NTM: variants seen among roughly 807,000 people sequenced by gnomAD.
NTM encodes IgLON family member 2.
Under a neutral mutation model 42.1 loss-of-function variants are expected in NTM, and 13 were observed. That is an observed-to-expected ratio of 0.31 (90% CI 0.20 to 0.49). NTM has a LOEUF of 0.49. Among genes scored for constraint, NTM ranks in the 20% least tolerant of loss-of-function variants. The probability of loss-of-function intolerance (pLI) is 0.99; values close to 1 mark genes in which losing one functional copy is unlikely to be tolerated. For missense variants in NTM, 373 were observed against 452.8 expected, an observed-to-expected ratio of 0.82 and a Z score of 1.60; for synonymous variants, 187 against 179.2, an observed-to-expected ratio of 1.04 and a Z score of -0.35.
intron 2 of NTM, among the ~76,000 whole-genome samples, chr11:131,972,470 A>G (rs2063699685): frequency 6.6e-6 from 1 of 152,170 alleles, no homozygotes; most frequent in Non-Finnish European, 1.5e-5. Context: ...CATAATAAAA[A>G]ATAATCTTAA....
Position 131,427,601 on chromosome 11 carries a change from G to T in NTM, c.82+56713G>T, listed in dbSNP as rs112474976. Among the ~76,000 whole-genome samples, 1,244 of 152,294 alleles carry T rather than the reference G, an allele frequency of 8.2e-3. 10 individuals carry two copies. The highest frequency in any genetic ancestry group is 0.011 in the Admixed American group (166 of 15,296). ...CCCTTAATGCCTCCTGTCCCTCGGT[G>T]TTCTACCTGTACTTCCCACTTCACC... On this transcript the variant is annotated intron_variant, in intron 1 of 8. Coordinates refer to ENST00000683400, the MANE Select transcript of NTM (RefSeq NM_001352005.2).
chr11:131,391,436 T>C (rs375411823), intron 1 of NTM, among the ~76,000 whole-genome samples: 24 of 152,160 alleles, frequency 1.6e-4, no homozygotes, highest in African/African-American at 5.5e-4. Flanking sequence ...AAATAGCAAA[T>C]CTAAAATGAA....
At chr11:131,807,833 T>C (rs1255646594) in intron 1 of NTM, among the ~76,000 whole-genome samples, 1 of 152,240 alleles carries the variant, frequency 6.6e-6, no homozygotes, top group African/African-American at 2.4e-5. Context: ...ATATATGAAG[T>C]TATTTGCATA....
intron 1 of NTM, among the ~76,000 whole-genome samples, chr11:131,423,110 G>T (rs563968987): frequency 6.6e-6 from 1 of 152,316 alleles, no homozygotes; most frequent in East Asian, 1.9e-4. Context: ...CCATCTCAAA[G>T]TTGAACAAGA....
intron 1 of NTM, among the ~76,000 whole-genome samples, chr11:131,773,699 A>G (rs577791963): frequency 6.6e-6 from 1 of 152,336 alleles, no homozygotes; most frequent in Admixed American, 6.5e-5. Flanking sequence ...ACATTCTGGT[A>G]TGGCTAATAC....
chr11:131,425,136 C>A (rs1389681099), intron 1 of NTM, among the ~76,000 whole-genome samples: 3 of 152,092 alleles, frequency 2.0e-5, no homozygotes, highest in Non-Finnish European at 4.4e-5. Context: ...CCTGCCTTGG[C>A]CTCCCAAAGT....
In NTM at chr11:131,789,612, A is replaced by G. The variant is rs1404841155; in HGVS notation, c.83-121952A>G. Among the ~76,000 whole-genome samples, 8 of 86,270 alleles carry G rather than the reference A, an allele frequency of 9.3e-5. 1 individual carries two copies. The highest frequency in any genetic ancestry group is 2.6e-4 in the Admixed American group (2 of 7,690). 56.6% of individuals were successfully genotyped at this position (86,270 alleles called of 152,430 possible). On this transcript the variant is annotated intron_variant, in intron 1 of 8. Transcript: ENST00000683400. ...AAGAAGAAGAAGAAGAAGAAGAAGA[A>G]GAAGAAGAAGAAGAAGAAGAAGAAA...
chr11:131,940,058 G>A (rs577978989), intron 2 of NTM, among the ~76,000 whole-genome samples: 2 of 152,328 alleles, frequency 1.3e-5, no homozygotes, highest in Admixed American at 1.3e-4. Context: ...AAACCTATTT[G>A]AAACTGTGTA....
intron 3 of NTM, among the ~76,000 whole-genome samples, chr11:132,152,687 A>G (rs1447526456): frequency 6.6e-6 from 1 of 152,190 alleles, no homozygotes; most frequent in Non-Finnish European, 1.5e-5. Flanking sequence ...GAGTTTTAAA[A>G]TTTCTTGAAG....
intron 1 of NTM, among the ~76,000 whole-genome samples, chr11:131,421,496 T>A (rs1947519449): frequency 6.6e-6 from 1 of 152,196 alleles, no homozygotes; most frequent in Non-Finnish European, 1.5e-5. Flanking sequence ...ACTAATGATC[T>A]GGTAACCCTC....
intron 7 of NTM, among the ~76,000 whole-genome samples, chr11:132,320,461 T>C (rs2136260017): frequency 6.6e-6 from 1 of 152,296 alleles, no homozygotes; most frequent in Middle Eastern, 3.4e-3. Flanking sequence ...ATACTGCGCT[T>C]TTCCGACGGG....
chr11:132,319,664 T>C (rs2095515358), intron 7 of NTM, among the ~76,000 whole-genome samples: 2 of 152,264 alleles, frequency 1.3e-5, no homozygotes, highest in African/African-American at 4.8e-5. Context: ...CCAGGAGGCC[T>C]GCCTGCCTCT....
chr11:131,865,040 A>G lies in NTM; in HGVS notation c.83-46524A>G, dbSNP rs147179955. The stretch of plus-strand genomic sequence containing the variant: ...CTGTGTGGGTGTTCCATGTTCTGGA[A>G]CCTGCCTCAAGTTGCCCAGTCTTTG... On this transcript the variant is annotated intron_variant, in intron 1 of 8. Coordinates refer to ENST00000683400, the MANE Select transcript of NTM (RefSeq NM_001352005.2). 5.7e-3 allele frequency among the ~76,000 whole-genome samples: 865 copies of G among 152,176 alleles called. 8 individuals carry two copies. Among genetic ancestry groups the G allele is most frequent in the African/African-American group, 0.02 (824 of 41,496 alleles).
At chr11:132,089,690 G>A (rs1424686506) in intron 2 of NTM, among the ~76,000 whole-genome samples, 1 of 152,000 alleles carries the variant, frequency 6.6e-6, no homozygotes, top group Non-Finnish European at 1.5e-5. Context: ...TTAGGGCATT[G>A]TTCTCATAAA....
At chr11:132,100,602 C>A (rs1390386520) in intron 2 of NTM, among the ~76,000 whole-genome samples, 1 of 152,158 alleles carries the variant, frequency 6.6e-6, no homozygotes, top group Non-Finnish European at 1.5e-5. Flanking sequence ...GGCATGTGGG[C>A]ACAAACTTAC....
intron 2 of NTM, among the ~76,000 whole-genome samples, chr11:131,992,797 G>A (rs546189728): frequency 1.3e-5 from 2 of 152,276 alleles, no homozygotes; most frequent in East Asian, 3.9e-4. Flanking sequence ...TATGGCCAGG[G>A]TGTGAGTTGT....
At chr11:132,069,767 C>T (rs1455904114) in intron 2 of NTM, among the ~76,000 whole-genome samples, 9 of 150,832 alleles carry the variant, frequency 6.0e-5, no homozygotes, top group South Asian at 2.1e-4. Flanking sequence ...CAAGTTAACA[C>T]GTCAAACTGA....
intron 1 of NTM, among the ~76,000 whole-genome samples, chr11:131,461,125 T>C (rs2034387): frequency 0.65 from 99,623 of 152,108 alleles, 33,142 homozygotes; most frequent in East Asian, 0.83. Flanking sequence ...GCTACCTTGC[T>C]CTACATCTGA....
At chr11:131,593,253 T>C (rs2059539151) in intron 1 of NTM, among the ~76,000 whole-genome samples, 1 of 152,186 alleles carries the variant, frequency 6.6e-6, no homozygotes, top group African/African-American at 2.4e-5. Flanking sequence ...AGGTCTCCTC[T>C]TTCAGTTTGG....
Sources: gnomAD v4.1 joint callset for allele counts (sites outside exome capture counted in the v4.1 genomes callset) on GRCh38, gnomAD v4.1.1 for gene constraint, MANE v1.5 for transcripts, NCBI Gene and HGNC (gene_info 2026-07-23, HGNC 2026-07-21) for gene names.